MPHOSPH9: variants seen among roughly 807,000 people sequenced by gnomAD.
MPHOSPH9 encodes M-phase phosphoprotein 9.
Under a neutral mutation model 145.5 loss-of-function variants are expected in MPHOSPH9, and 88 were observed. The observed-to-expected ratio is 0.60, with a 90% CI of 0.51 to 0.72. The LOEUF (loss-of-function observed/expected upper bound fraction) is 0.72. Ranked by LOEUF, MPHOSPH9 falls within the 30% of genes least tolerant of loss-of-function variation. The probability of loss-of-function intolerance (pLI) is 0.00; values close to 1 mark genes in which losing one functional copy is unlikely to be tolerated. For missense variants in MPHOSPH9, 1,238 were observed against 1,386.6 expected, an observed-to-expected ratio of 0.89 and a Z score of 1.70; for synonymous variants, 435 against 486.2, an observed-to-expected ratio of 0.89 and a Z score of 1.39.
At chr12:123,239,050 C>T (rs968216800) in intron 1 of MPHOSPH9, among the ~76,000 whole-genome samples, 11 of 152,314 alleles carry the variant, frequency 7.2e-5, no homozygotes, top group South Asian at 2.1e-4. Flanking sequence ...GAAGGCAGAT[C>T]GCTTGAGTTT....
upstream of MPHOSPH9, among the ~76,000 whole-genome samples, chr12:123,235,704 G>A (rs1186126554): frequency 6.6e-6 from 1 of 151,760 alleles, no homozygotes; most frequent in Non-Finnish European, 1.5e-5. Context: ...ATTGTTCACA[G>A]TCACAGATCA....
At chr12:123,216,335 G>A (rs1188985648) in intron 6 of MPHOSPH9, among the ~76,000 whole-genome samples, 1 of 152,114 alleles carries the variant, frequency 6.6e-6, no homozygotes, top group East Asian at 1.9e-4. Flanking sequence ...TATTGAAAGA[G>A]GAATAAATAA....
At chr12:123,199,187 T>C (rs2046106802) in intron 11 of MPHOSPH9, among the ~76,000 whole-genome samples, 1 of 151,988 alleles carries the variant, frequency 6.6e-6, no homozygotes, top group Admixed American at 6.6e-5. Flanking sequence ...GGATCTCACT[T>C]TGTTGCCCAG....
At chr12:123,242,233 T>C (rs1429807363) in intron 1 of MPHOSPH9, among the ~76,000 whole-genome samples, 1 of 152,116 alleles carries the variant, frequency 6.6e-6, no homozygotes, top group Admixed American at 6.6e-5. Context: ...GCAGAAGCCA[T>C]CATCAAAGGA....
chr12:123,191,773 C>G, intron 13 of MPHOSPH9, among the ~76,000 whole-genome samples: 1 of 152,148 alleles, frequency 6.6e-6, no homozygotes, highest in East Asian at 1.9e-4. Flanking sequence ...CAAAAGGACA[C>G]GGGACCAGTC....
Position 123,162,211 on chromosome 12 carries a change from T to C in MPHOSPH9, c.3037A>G (p.Ile1013Val). 11 of 1,496,538 alleles carry C rather than the reference T, an allele frequency of 7.4e-6. No homozygotes were observed. The highest frequency in any genetic ancestry group is 9.0e-6 in the Non-Finnish European group (10 of 1,111,196). 92.7% of individuals were successfully genotyped at this position (1,496,538 alleles called of 1,614,324 possible). The change falls in exon 21 of 24, where the codon ATA becomes GTA. Residue 1013 changes from isoleucine to valine, a missense_variant. Ile to Val is a conservative substitution (Grantham distance 29). Around this residue, in one of 3 missense-constraint regions of MPHOSPH9, gnomAD observed 393 missense variants for 462.5 expected, o/e 0.85. Transcript: ENST00000606320. ...KNESSPIRFD[I>V]LLDDLDTVPV... ...ACAGTATCTAAATCATCCAAAAGTATATCAAATCTATTGAATGAAGCAAGT... is the reference window on the plus strand; with the variant it reads ...ACAGTATCTAAATCATCCAAAAGTACATCAAATCTATTGAATGAAGCAAGT...
At position 123,155,782 on chromosome 12, in the gene MPHOSPH9, G is replaced by T. The variant is rs2043847084; in HGVS notation, c.*1025C>A. ...CAGAGGCAGTGGGCTGGAGCCCTCT[G>T]CAAGGCCGAGGGGAAGGCACCAGGC... On this transcript the variant is annotated 3_prime_UTR_variant, in exon 24 of 24. Transcript: ENST00000606320. The T allele has an allele frequency of 6.6e-6, 1 of 152,236 alleles. No homozygotes were observed. The highest frequency in any genetic ancestry group is 1.5e-5 in the Non-Finnish European group (1 of 68,060). 9.4% of individuals were successfully genotyped at this position (152,236 alleles called of 1,614,324 possible). A position where few individuals can be genotyped will look rare whatever the true frequency, so the allele number is the denominator to read the frequency against.
chr12:123,175,410 C>T (rs948460965), intron 16 of MPHOSPH9, among the ~76,000 whole-genome samples: 1 of 152,182 alleles, frequency 6.6e-6, no homozygotes, highest in African/African-American at 2.4e-5. Context: ...GCCTCGGCCT[C>T]CCAAACTGCT....
Position 123,164,014 on chromosome 12 carries a change from T to A in MPHOSPH9, c.2844A>T (p.Arg948Ser), listed in dbSNP as rs767266862. 6.2e-7 allele frequency: 1 copy of A among 1,614,118 alleles called. No individual in the cohort carries two copies. The highest frequency in any genetic ancestry group is 1.7e-5 in the Admixed American group (1 of 60,006). ...ATGATCTCTGTGAGGCCGAATTAAGTCTCTTTTGTCTCTGTTGGGCACACT... is the reference window on the plus strand; with the variant it reads ...ATGATCTCTGTGAGGCCGAATTAAGACTCTTTTGTCTCTGTTGGGCACACT... ...PEKCAQQRQK[R>S]LNSASQRSSS... is the part of the protein sequence containing the mutation. Residue 948 changes from arginine (R) to serine (S), a missense_variant, in exon 19 of 24, where the codon AGA becomes AGT. This residue lies in a region of MPHOSPH9 where 393 missense variants were observed against 462.5 expected (regional missense o/e 0.85). Transcript: ENST00000606320.
intron 16 of MPHOSPH9, among the ~76,000 whole-genome samples, chr12:123,168,221 G>A (rs865791454): frequency 5.9e-5 from 9 of 152,018 alleles, no homozygotes; most frequent in Non-Finnish European, 1.3e-4. Context: ...TACAAAGGCC[G>A]CGCTTCAGGT....
intron 6 of MPHOSPH9, among the ~76,000 whole-genome samples, chr12:123,217,335 C>T (rs1213370114): frequency 2.6e-5 from 4 of 151,800 alleles, no homozygotes; most frequent in Admixed American, 2.0e-4. Context: ...GTAGCTGGGA[C>T]TACAGGCGCA....
chr12:123,221,927 A>C, intron 4 of MPHOSPH9, 32 bp from the exon 5 acceptor site: 7 of 1,158,150 alleles, frequency 6.0e-6, no homozygotes, highest in Non-Finnish European at 8.4e-6. Context: ...TTTGGGTAAG[A>C]AAGTATATTA....
intron 22 of MPHOSPH9, 105 bp downstream of exon 22, chr12:123,161,031 C>T: frequency 7.0e-7 from 1 of 1,424,870 alleles, no homozygotes; most frequent in Non-Finnish European, 9.5e-7. Flanking sequence ...GGTATGTTAT[C>T]CCATTGTAAT....
At chr12:123,212,715 A>C (rs1386928429) in intron 7 of MPHOSPH9, among the ~76,000 whole-genome samples, 2 of 148,278 alleles carry the variant, frequency 1.3e-5, no homozygotes, top group African/African-American at 4.9e-5. Flanking sequence ...CTGTCTCAAA[A>C]AAAAAAAAAA....
At chr12:123,173,057 G>C (rs1176875715) in intron 16 of MPHOSPH9, among the ~76,000 whole-genome samples, 1 of 150,314 alleles carries the variant, frequency 6.7e-6, no homozygotes, top group Non-Finnish European at 1.5e-5. Context: ...TGTATTTTTA[G>C]TAGAGATGGA....
rs1383764571 is a variant in MPHOSPH9, at chr12:123,165,256, G to A, written c.2767+46C>T. The A allele has an allele frequency of 3.4e-6, 5 of 1,480,776 alleles. No homozygotes were observed. In the African/African-American group the frequency reaches 7.1e-5, roughly 21 times the overall value. The allele number at this position is 1,480,776 out of a possible 1,614,324, so 91.7% of individuals were successfully genotyped here. A position where few individuals can be genotyped will look rare whatever the true frequency, so the allele number is the denominator to read the frequency against. On this transcript the variant is annotated intron_variant, in intron 18 of 23. Transcript: ENST00000606320. ...ATTTTAACGAAGGTAATATAAATGGGGAAAAGATATCTATATCCATCTATC... is the reference window on the plus strand; with the variant it reads ...ATTTTAACGAAGGTAATATAAATGGAGAAAAGATATCTATATCCATCTATC...
chr12:123,173,619 T>C (rs1467077324), intron 16 of MPHOSPH9, among the ~76,000 whole-genome samples: 2 of 152,156 alleles, frequency 1.3e-5, no homozygotes, highest in African/African-American at 4.8e-5. Flanking sequence ...CAATCAGGCC[T>C]GTCCAATGAA....
upstream of MPHOSPH9, among the ~76,000 whole-genome samples, chr12:123,237,875 C>G (rs965255239): frequency 4.0e-5 from 6 of 150,930 alleles, no homozygotes; most frequent in African/African-American, 1.5e-4. Context: ...TTTTTAACTA[C>G]CATTTTACAG....
At chr12:123,190,760 C>T (rs1299689432) in intron 13 of MPHOSPH9, among the ~76,000 whole-genome samples, 2 of 152,122 alleles carry the variant, frequency 1.3e-5, no homozygotes, top group Non-Finnish European at 2.9e-5. Context: ...TAACAGAGCA[C>T]ATTTAACAAA....
Sources: gnomAD v4.1 joint callset for allele counts (sites outside exome capture counted in the v4.1 genomes callset) on GRCh38, gnomAD v4.1.1 for gene constraint, gnomAD v4.1.1 regional missense constraint, MANE v1.5 for transcripts, NCBI Gene and HGNC (gene_info 2026-07-23, HGNC 2026-07-21) for gene names.